XYLT1: variants seen among roughly 807,000 people sequenced by gnomAD.
XYLT1 encodes the protein beta-D-xylosyltransferase 1.
Under a neutral mutation model 91.3 loss-of-function variants are expected in XYLT1, and 36 were observed. That is an observed-to-expected ratio of 0.39 (90% CI 0.30 to 0.52). XYLT1 has a LOEUF of 0.52. Ranked by LOEUF, XYLT1 falls within the 20% of genes least tolerant of loss-of-function variation. XYLT1 has a pLI of 0.68. For synonymous variants in XYLT1, 588 were observed against 532.0 expected, an observed-to-expected ratio of 1.11 and a Z score of -1.45; for missense variants, 1,242 against 1,284.5, an observed-to-expected ratio of 0.97 and a Z score of 0.51.
intron 6 of XYLT1, among the ~76,000 whole-genome samples, chr16:17,148,039 G>T (rs2031182622): frequency 6.6e-6 from 1 of 152,216 alleles, no homozygotes; most frequent in Admixed American, 6.5e-5. Context: ...GGGTGATCTA[G>T]GTACTAATCC....
chr16:17,117,460 G>A (rs948566228), intron 11 of XYLT1, among the ~76,000 whole-genome samples, 186 bp downstream of exon 11: 34 of 152,196 alleles, frequency 2.2e-4, no homozygotes, highest in African/African-American at 6.5e-4. Flanking sequence ...CATCATCTCC[G>A]TGTGCAGGTA....
chr16:17,458,376 G>A (rs900147636), intron 1 of XYLT1, among the ~76,000 whole-genome samples: 1 of 152,142 alleles, frequency 6.6e-6, no homozygotes, highest in Non-Finnish European at 1.5e-5. Context: ...TCAACGTGAA[G>A]CAAATGCACA....
At chr16:17,209,794 C>T (rs141806963) in intron 3 of XYLT1, among the ~76,000 whole-genome samples, 122 of 152,354 alleles carry the variant, frequency 8.0e-4, no homozygotes, top group Middle Eastern at 3.4e-3. Flanking sequence ...TGTGACTCCG[C>T]GGACCTCGCC....
At chr16:17,200,408 G>A in intron 4 of XYLT1, 74 bp downstream of exon 4, 2 of 1,551,318 alleles carry the variant, frequency 1.3e-6, no homozygotes, top group Non-Finnish European at 1.8e-6. Flanking sequence ...TAGCAATGCA[G>A]AAGGAGGGTA....
intron 2 of XYLT1, among the ~76,000 whole-genome samples, chr16:17,325,362 C>T (rs2034784173): frequency 2.0e-5 from 3 of 152,306 alleles, no homozygotes; most frequent in Admixed American, 2.0e-4. Flanking sequence ...GATGGTGCCA[C>T]TGCACTCTAG....
chr16:17,467,480 T>A (rs1291234874), intron 1 of XYLT1, among the ~76,000 whole-genome samples: 1 of 152,156 alleles, frequency 6.6e-6, no homozygotes, highest in Admixed American at 6.5e-5. Flanking sequence ...GGAATCAGTG[T>A]CAGCCACAAA....
chr16:17,189,939 G>T (rs8047107), intron 5 of XYLT1, among the ~76,000 whole-genome samples: 5 of 151,962 alleles, frequency 3.3e-5, no homozygotes, highest in African/African-American at 9.7e-5. Flanking sequence ...ACAGCTACCT[G>T]GGAGGCAGAG....
In XYLT1 at chr16:17,259,245, G is replaced by A; in HGVS notation, c.656C>T (p.Pro219Leu). Residue 219 changes from proline to leucine, a missense_variant, in exon 3 of 12, where the codon CCC becomes CTC. Coordinates refer to ENST00000261381, the MANE Select transcript of XYLT1 (RefSeq NM_022166.4). ...PGKGPGEVLP[P>L]GDRAAANSSH... ...GCTGTTGGCTGCGGCTCTGTCCCCG[G>A]GAGGCAGCACCTCACCGGGGCCTTT... 1 of 1,614,034 alleles carries A rather than the reference G, an allele frequency of 6.2e-7. No individual in the cohort carries two copies. The highest frequency in any genetic ancestry group is 1.1e-5 in the South Asian group (1 of 91,064).
intron 1 of XYLT1, among the ~76,000 whole-genome samples, chr16:17,454,805 G>C (rs1303298450): frequency 6.6e-6 from 1 of 150,766 alleles, no homozygotes; most frequent in Non-Finnish European, 1.5e-5. Flanking sequence ...CCCACAAAGT[G>C]CTGGGATTAC....
intron 2 of XYLT1, among the ~76,000 whole-genome samples, chr16:17,283,087 C>T (rs2034082012): frequency 6.6e-6 from 1 of 152,152 alleles, no homozygotes; most frequent in Non-Finnish European, 1.5e-5. Context: ...AATTCCCAGT[C>T]ATCCAGCACG....
intron 6 of XYLT1, among the ~76,000 whole-genome samples, chr16:17,147,685 C>G (rs1049005629): frequency 1.3e-5 from 2 of 152,136 alleles, no homozygotes; most frequent in East Asian, 3.8e-4. Context: ...AAGTCTTGGA[C>G]TAGGAGATGG....
At chr16:17,202,080 A>G (rs1198620292) in intron 3 of XYLT1, among the ~76,000 whole-genome samples, 1 of 152,206 alleles carries the variant, frequency 6.6e-6, no homozygotes, top group African/African-American at 2.4e-5. Flanking sequence ...CTTGCTTCAG[A>G]TAAAAACACA....
chr16:17,251,889 G>C (rs904085247), intron 3 of XYLT1, among the ~76,000 whole-genome samples: 3 of 152,030 alleles, frequency 2.0e-5, no homozygotes, highest in African/African-American at 7.3e-5. Context: ...ATCTCCAGAG[G>C]CAAGAGGTAA....
intron 1 of XYLT1, among the ~76,000 whole-genome samples, chr16:17,377,175 T>TCACACACACACACACACACACACACACA (rs376242678): frequency 4.0e-5 from 6 of 150,932 alleles, no homozygotes; most frequent in Non-Finnish European, 7.4e-5. Context: ...AGACTCTGCC[T>TCACACACACACACACACACACACACACA]CACACACACA....
At chr16:17,388,977 CAA>C (rs2141890558) in intron 1 of XYLT1, among the ~76,000 whole-genome samples, 1 of 152,280 alleles carries the variant, frequency 6.6e-6, no homozygotes, top group East Asian at 1.9e-4. Context: ...TATAAGGTAA[CAA>C]ATGGGAATAT....
At chr16:17,122,564 T>TAAAAG (rs1373800817) in intron 10 of XYLT1, among the ~76,000 whole-genome samples, 1 of 152,238 alleles carries the variant, frequency 6.6e-6, no homozygotes, top group African/African-American at 2.4e-5. Flanking sequence ...TGATTATTTC[T>TAAAAG]TTTGCCTTGC....
intron 3 of XYLT1, among the ~76,000 whole-genome samples, chr16:17,254,233 A>G (rs761005941): frequency 6.6e-6 from 1 of 152,114 alleles, no homozygotes; most frequent in Non-Finnish European, 1.5e-5. Context: ...CAGCAGTAAT[A>G]CCAACCTCTC....
intron 5 of XYLT1, chr16:17,193,627 G>A (rs1433382493): frequency 6.6e-6 from 1 of 152,178 alleles, no homozygotes; most frequent in East Asian, 1.9e-4. Context: ...TATCCCCCAA[G>A]TTTTCAGTGC....
intron 3 of XYLT1, among the ~76,000 whole-genome samples, chr16:17,204,531 G>A (rs2141593030): frequency 6.6e-6 from 1 of 151,844 alleles, no homozygotes. Context: ...CAGAGAAGGA[G>A]AAATAGAGAT....
Sources: allele counts gnomAD v4.1 joint callset (sites outside exome capture counted in the v4.1 genomes callset), GRCh38; gene constraint gnomAD v4.1.1; transcripts MANE v1.5; gene names NCBI Gene and HGNC (gene_info 2026-07-23, HGNC 2026-07-21).